The following ASTN1 variants were observed in gnomAD, a reference collection of about 807,000 sequenced individuals.
ASTN1 encodes the protein astrotactin 1.
In ASTN1, 41 loss-of-function variants were observed where a neutral mutation model predicts 140.7. The observed-to-expected ratio is 0.29, with a 90% confidence interval of 0.23 to 0.38. The LOEUF (loss-of-function observed/expected upper bound fraction) is 0.38, where lower values mean the gene tolerates loss of function less well. Ranked by LOEUF, ASTN1 falls within the 10% of genes least tolerant of loss-of-function variation. The pLI is 1.00. For missense variants in ASTN1, 1,479 were observed against 1,678.8 expected (o/e 0.88, Z 2.08); for synonymous variants, 640 against 652.2 (o/e 0.98, Z 0.29).
chr1:176,890,810 G>C (rs1183230999), intron 17 of ASTN1, among the ~76,000 whole-genome samples: 3 of 152,156 alleles, frequency 2.0e-5, no homozygotes, highest in African/African-American at 7.2e-5. Flanking sequence ...AGGATCACCT[G>C]AGTTCAGAAG....
At chr1:177,002,966 C>T (rs116119813) in intron 8 of ASTN1, among the ~76,000 whole-genome samples, 203 of 150,478 alleles carry the variant, frequency 1.3e-3, no homozygotes, top group African/African-American at 4.6e-3. Context: ...TGAGATTAAT[C>T]GGTAATAAAA....
chr1:176,892,259 A>G (rs904945687), intron 17 of ASTN1, among the ~76,000 whole-genome samples: 2 of 152,218 alleles, frequency 1.3e-5, no homozygotes, highest in South Asian at 2.1e-4. Context: ...TGAAGTTCAT[A>G]TTAGATATAT....
chr1:177,099,673 C>T (rs1461263539), intron 1 of ASTN1, among the ~76,000 whole-genome samples: 4 of 152,132 alleles, frequency 2.6e-5, no homozygotes, highest in Non-Finnish European at 4.4e-5. Flanking sequence ...CTCCTGTGCT[C>T]CACTTTCTTT....
At chr1:177,030,974 C>T (rs768898327) in intron 3 of ASTN1, 22 bp from the exon 4 acceptor site, 15 of 1,593,898 alleles carry the variant, frequency 9.4e-6, no homozygotes, top group Middle Eastern at 1.9e-4. Flanking sequence ...AAAGACGAGG[C>T]AAAAACTTTA....
Position 176,957,691 on chromosome 1 carries a change from G to A in ASTN1, c.1874C>T (p.Ser625Phe). ...FRCISDRKLD[S>F]TGCVCPSGLS... Reference sequence around the variant, plus strand: ...GGGCAGACCTACCACGCAACCAGTGGAGTCCAGCTTGCGATCTGAAATACA... The same window carrying A: ...GGGCAGACCTACCACGCAACCAGTGAAGTCCAGCTTGCGATCTGAAATACA... The change falls in exon 11 of 23, where the codon TCC (serine) becomes TTC (phenylalanine). Residue 625 changes from serine (S) to phenylalanine (F), a missense_variant. Transcript: ENST00000361833. 9 of 1,614,026 alleles carry A rather than the reference G, an allele frequency of 5.6e-6. No homozygotes were observed. Among genetic ancestry groups the A allele is most frequent in the South Asian group, 2.2e-5 (2 of 91,070 alleles).
At chr1:176,875,999 C>T (rs1482321912) in intron 21 of ASTN1, among the ~76,000 whole-genome samples, 2 of 152,122 alleles carry the variant, frequency 1.3e-5, no homozygotes, top group South Asian at 2.1e-4. Flanking sequence ...AGGGACTGAT[C>T]CTGCAGGGGA....
At chr1:177,052,743 C>T (rs1172565184) in intron 2 of ASTN1, among the ~76,000 whole-genome samples, 1 of 152,212 alleles carries the variant, frequency 6.6e-6, no homozygotes, top group Non-Finnish European at 1.5e-5. Context: ...TTGTACCATT[C>T]TCTATGTTCC....
At chr1:177,118,720 G>A (rs1344394926) in intron 1 of ASTN1, among the ~76,000 whole-genome samples, 1 of 152,112 alleles carries the variant, frequency 6.6e-6, no homozygotes, top group African/African-American at 2.4e-5. Flanking sequence ...CATGGCATTT[G>A]GTTTGCCAAT....
intron 1 of ASTN1, among the ~76,000 whole-genome samples, chr1:177,090,033 C>A (rs1028303): frequency 0.46 from 69,437 of 151,484 alleles, 17,332 homozygotes; most frequent in Non-Finnish European, 0.57. Flanking sequence ...ACACACACAC[C>A]CCCCTCAATC....
chr1:177,160,453 C>T (rs550337105), intron 1 of ASTN1, among the ~76,000 whole-genome samples: 2 of 152,342 alleles, frequency 1.3e-5, no homozygotes, highest in Admixed American at 1.3e-4. Context: ...AAAGCCATGA[C>T]AGCTAAAGCA....
intron 2 of ASTN1, among the ~76,000 whole-genome samples, chr1:177,043,759 G>A (rs779588716): frequency 8.5e-5 from 13 of 152,180 alleles, no homozygotes; most frequent in Admixed American, 2.6e-4. Flanking sequence ...AGACGCTGAC[G>A]TACGAACACG....
chr1:177,043,416 G>A (rs1206916819), intron 2 of ASTN1, among the ~76,000 whole-genome samples: 1 of 152,170 alleles, frequency 6.6e-6, no homozygotes, highest in East Asian at 1.9e-4. Flanking sequence ...GAAAGCCCAC[G>A]GGCCATGTTT....
chr1:176,873,801 C>T (rs910264921), intron 21 of ASTN1, among the ~76,000 whole-genome samples: 4 of 152,094 alleles, frequency 2.6e-5, no homozygotes, highest in African/African-American at 9.7e-5. Flanking sequence ...GCTCCCAGCT[C>T]GTCTGCTGGG....
rs532929063 is a variant in ASTN1, at chr1:177,048,268, C to T, written c.471+12810G>A. Among the ~76,000 whole-genome samples the T allele has an allele frequency of 9.9e-5, 15 of 152,280 alleles. No homozygotes were observed. The South Asian group carries it at 2.7e-3, about 27-fold the overall frequency. On this transcript the variant is annotated intron_variant, in intron 2 of 22. Coordinates refer to ENST00000361833, the MANE Select transcript of ASTN1 (RefSeq NM_004319.3). ...CCTCCTAATGGCAACATGGGACTGA[C>T]TTGTCCTTATCTTCCCCTGATTCAG... is the stretch of plus-strand genomic sequence containing the variant.
chr1:177,135,829 G>C (rs1280929277), intron 1 of ASTN1, among the ~76,000 whole-genome samples: 1 of 152,146 alleles, frequency 6.6e-6, no homozygotes, highest in Non-Finnish European at 1.5e-5. Flanking sequence ...GAGCTTGTTA[G>C]AAATGTGGCT....
chr1:177,160,758 A>C (rs1297154972), intron 1 of ASTN1, among the ~76,000 whole-genome samples: 3 of 152,226 alleles, frequency 2.0e-5, no homozygotes, highest in Non-Finnish European at 4.4e-5. Flanking sequence ...AAATCTCCTG[A>C]GAGGATGCTA....
chr1:176,900,265 C>T lies in ASTN1; in HGVS notation c.2672-5435G>A, dbSNP rs150335782. Reference sequence around the variant, plus strand: ...CCACAAGTAACAAAACCTCAATATGCTTGCTTGGACATCTACTTATATGTC... The same window carrying T: ...CCACAAGTAACAAAACCTCAATATGTTTGCTTGGACATCTACTTATATGTC... On this transcript the variant is annotated intron_variant, in intron 16 of 22. Coordinates refer to ENST00000361833, the MANE Select transcript of ASTN1 (RefSeq NM_004319.3). Among the ~76,000 whole-genome samples the T allele has an allele frequency of 5.3e-5, 8 of 152,320 alleles. No homozygotes were observed. In the East Asian group the frequency reaches 1.5e-3, roughly 29 times the overall value.
At chr1:176,920,420 T>A (rs1007944361) in intron 16 of ASTN1, among the ~76,000 whole-genome samples, 6 of 152,192 alleles carry the variant, frequency 3.9e-5, no homozygotes, top group Admixed American at 2.6e-4. Context: ...CTAATCTAGC[T>A]GGCCAAATCC....
chr1:177,035,316 A>G (rs1239247083), intron 2 of ASTN1, among the ~76,000 whole-genome samples: 1 of 152,230 alleles, frequency 6.6e-6, no homozygotes, highest in East Asian at 1.9e-4. Flanking sequence ...ACACCCTGGC[A>G]TCTATCTTGC....
Sources: allele counts gnomAD v4.1 joint callset (sites outside exome capture counted in the v4.1 genomes callset), GRCh38; gene constraint gnomAD v4.1.1; transcripts MANE v1.5; gene names NCBI Gene and HGNC (gene_info 2026-07-23, HGNC 2026-07-21).